PDE6C: variants seen among roughly 807,000 people sequenced by gnomAD.
PDE6C encodes the protein phosphodiesterase 6C, also known as cone cGMP-specific 3',5'-cyclic phosphodiesterase subunit alpha'.
A neutral mutation model predicts 113.1 loss-of-function variants in PDE6C; 75 were observed. That is an observed-to-expected ratio of 0.66 (90% CI 0.55 to 0.80). PDE6C has a LOEUF of 0.80. Ranked by LOEUF, PDE6C falls within the 30% of genes least tolerant of loss-of-function variation. PDE6C has a pLI of 0.00. For synonymous variants in PDE6C, 375 were observed against 363.7 expected (o/e 1.03, Z -0.35); for missense variants, 912 against 1,038.6 (o/e 0.88, Z 1.67).
chr10:93,615,649 T>C (rs1328205396), intron 1 of PDE6C, among the ~76,000 whole-genome samples: 1 of 152,230 alleles, frequency 6.6e-6, no homozygotes, highest in Non-Finnish European at 1.5e-5. Context: ...TTCAAAGTGC[T>C]GGGATTACAG....
intron 14 of PDE6C, among the ~76,000 whole-genome samples, chr10:93,642,093 C>T (rs1292023542): frequency 5.3e-5 from 8 of 152,116 alleles, no homozygotes; most frequent in African/African-American, 1.9e-4. Flanking sequence ...TTGCTGGGTG[C>T]GGTGGCTCAC....
At chr10:93,616,624 G>A (rs1420333512) in intron 1 of PDE6C, among the ~76,000 whole-genome samples, 1 of 143,290 alleles carries the variant, frequency 7.0e-6, no homozygotes, top group Admixed American at 6.9e-5. Flanking sequence ...ATTATTGCCT[G>A]TTTTAAAACA....
intron 21 of PDE6C, among the ~76,000 whole-genome samples, chr10:93,664,378 A>G (rs528872645): frequency 1.3e-5 from 2 of 152,166 alleles, no homozygotes; most frequent in Non-Finnish European, 2.9e-5. Flanking sequence ...CAATTGAAAA[A>G]TTTTTAAGCT....
At chr10:93,658,169 C>CAAAAAAAAAAAAAAAAAAAAAAAAAAA (rs71031527) in intron 16 of PDE6C, among the ~76,000 whole-genome samples, 7 of 59,878 alleles carry the variant, frequency 1.2e-4, no homozygotes, top group East Asian at 8.4e-4. Context: ...GATTCTGTCT[C>CAAAAAAAAAAAAAAAAAAAAAAAAAAA]AAAAAAAAAA....
chr10:93,633,307 A>G (rs1214363268), intron 8 of PDE6C, among the ~76,000 whole-genome samples: 1 of 151,868 alleles, frequency 6.6e-6, no homozygotes, highest in Non-Finnish European at 1.5e-5. Context: ...CTTTACTAAA[A>G]ATACAAAAAT....
chr10:93,625,791 C>A, intron 5 of PDE6C, 142 bp downstream of exon 5: 1 of 680,948 alleles, frequency 1.5e-6, no homozygotes, highest in Non-Finnish European at 2.7e-6. Flanking sequence ...GGTTCTAGTC[C>A]CAGCTATGCC....
At chr10:93,643,040 G>T (rs1374279240) in intron 14 of PDE6C, among the ~76,000 whole-genome samples, 1 of 152,154 alleles carries the variant, frequency 6.6e-6, no homozygotes, top group East Asian at 1.9e-4. Context: ...GAAACAAATT[G>T]AGCATCTATT....
intron 14 of PDE6C, among the ~76,000 whole-genome samples, chr10:93,642,935 G>A (rs1377017234): frequency 6.6e-6 from 1 of 152,124 alleles, no homozygotes; most frequent in Non-Finnish European, 1.5e-5. Flanking sequence ...GCCTACACTG[G>A]CCGCTCGCTC....
chr10:93,616,891 A>T (rs576498026), intron 1 of PDE6C, among the ~76,000 whole-genome samples: 8 of 152,266 alleles, frequency 5.3e-5, no homozygotes, highest in Non-Finnish European at 1.2e-4. Flanking sequence ...TGACCTCGTG[A>T]TCTGCCCACA....
chr10:93,629,569 C>T (rs1427381841), intron 8 of PDE6C, among the ~76,000 whole-genome samples: 1 of 152,150 alleles, frequency 6.6e-6, no homozygotes, highest in Non-Finnish European at 1.5e-5. Flanking sequence ...GGCAGTGGTC[C>T]CCAACCTTTT....
intron 11 of PDE6C, among the ~76,000 whole-genome samples, chr10:93,638,588 C>G (rs1008557293): frequency 6.6e-6 from 1 of 152,168 alleles, no homozygotes; most frequent in African/African-American, 2.4e-5. Flanking sequence ...GGACAAAGAA[C>G]CAGTAGACTT....
chr10:93,660,226 A>C (rs1484582570), intron 18 of PDE6C, among the ~76,000 whole-genome samples: 1 of 152,224 alleles, frequency 6.6e-6, no homozygotes, highest in Non-Finnish European at 1.5e-5. Flanking sequence ...GATTAACAAG[A>C]GAAAAGCGTA....
At chr10:93,627,413 T>G (rs767776482) in intron 7 of PDE6C, among the ~76,000 whole-genome samples, 1 of 152,124 alleles carries the variant, frequency 6.6e-6, no homozygotes, top group Non-Finnish European at 1.5e-5. Context: ...CCTCCATCCC[T>G]CAATTTCTTA....
At chr10:93,655,971 C>CACACAG in intron 16 of PDE6C, 111 bp downstream of exon 16, 1 of 753,152 alleles carries the variant, frequency 1.3e-6, no homozygotes, top group Non-Finnish European at 2.5e-6. Context: ...CACATACACA[C>CACACAG]ACACAGACAC....
rs779174659 is a variant in PDE6C at position 93,640,092 on chromosome 10, G to A, written c.1505G>A (p.Arg502His). 1.8e-5 allele frequency: 29 copies of A among 1,613,940 alleles called. No individual in the cohort carries two copies. The highest frequency in any genetic ancestry group is 3.3e-5 in the Admixed American group (2 of 59,986). The change falls in exon 12 of 22, where the codon CGC (arginine) becomes CAC (histidine). Residue 502 changes from arginine to histidine, a missense_variant. Coordinates refer to ENST00000371447, the MANE Select transcript of PDE6C (RefSeq NM_006204.4). ...AILKEDLPDPRSAELYEFRFS... is the reference protein window; with the variant it reads ...AILKEDLPDPHSAELYEFRFS... ...CAGAAAGAGGACTTGCCAGACCCAC[G>A]CTCAGCAGAACTGTACGAATTCCGC...
At chr10:93,657,448 T>C (rs1422246523) in intron 16 of PDE6C, among the ~76,000 whole-genome samples, 1 of 148,810 alleles carries the variant, frequency 6.7e-6, no homozygotes, top group Non-Finnish European at 1.5e-5. Flanking sequence ...CCTCCCAAAA[T>C]GCTGGGATTA....
In PDE6C at chr10:93,655,535, T is replaced by G. The variant is rs12246400; in HGVS notation, c.1936-225T>G. ...TGGCTAACAGTATCTATTTTTATAG[T>G]TTAAATTAAATTATCTTACTTAAAG... On this transcript the variant is annotated intron_variant, in intron 15 of 21. Transcript: ENST00000371447. Among the ~76,000 whole-genome samples, 12,654 of 149,222 alleles carry G rather than the reference T, an allele frequency of 0.085. 789 individuals are homozygous for G. Among genetic ancestry groups the G allele is most frequent in the African/African-American group, 0.18 (7,463 of 40,376 alleles).
At chr10:93,660,235 T>C (rs2058660103) in intron 18 of PDE6C, among the ~76,000 whole-genome samples, 1 of 152,218 alleles carries the variant, frequency 6.6e-6, no homozygotes, top group Non-Finnish European at 1.5e-5. Flanking sequence ...GAGAAAAGCG[T>C]ACACGTTTAT....
chr10:93,662,507 T>C, intron 19 of PDE6C, 53 bp from the exon 20 acceptor site: 1 of 872,702 alleles, frequency 1.1e-6, no homozygotes, highest in Non-Finnish European at 2.0e-6. Context: ...AATCAGTCTG[T>C]TTTGTTCATA....
Sources: allele counts gnomAD v4.1 joint callset (sites outside exome capture counted in the v4.1 genomes callset), GRCh38; gene constraint gnomAD v4.1.1; transcripts MANE v1.5; gene names NCBI Gene and HGNC (gene_info 2026-07-23, HGNC 2026-07-21).